ZNF804B: variants seen among roughly 807,000 people sequenced by gnomAD.
The protein encoded by ZNF804B is zinc finger protein 804B.
ZNF804B carries 80 observed loss-of-function variants against 101.4 expected under a neutral mutation model. That is an observed-to-expected ratio of 0.79 (90% CI 0.66 to 0.95). The LOEUF is 0.95. ZNF804B is among the 40% of genes least tolerant of loss of function. The pLI, the probability that ZNF804B is intolerant of heterozygous loss-of-function variation, is 0.00. For missense variants in ZNF804B, 1,673 were observed against 1,561.9 expected, an observed-to-expected ratio of 1.07 and a Z score of -1.20; for synonymous variants, 622 against 558.8, an observed-to-expected ratio of 1.11 and a Z score of -1.59.
chr7:89,276,325 A>C (rs1789980316), intron 2 of ZNF804B, among the ~76,000 whole-genome samples: 1 of 151,872 alleles, frequency 6.6e-6, no homozygotes, highest in African/African-American at 2.4e-5. Context: ...TGGAACTTAA[A>C]ATAAAAATTA....
intron 1 of ZNF804B, among the ~76,000 whole-genome samples, chr7:88,768,678 A>T (rs1359657964): frequency 6.6e-6 from 1 of 152,230 alleles, no homozygotes; most frequent in Non-Finnish European, 1.5e-5. Context: ...AGATAGCACC[A>T]CTGCACTCCA....
At chr7:89,176,565 TC>T (rs1584033985) in intron 1 of ZNF804B, among the ~76,000 whole-genome samples, 1 of 147,564 alleles carries the variant, frequency 6.8e-6, no homozygotes, top group Non-Finnish European at 1.5e-5. Flanking sequence ...TTCTTTCTTT[TC>T]TTTTTTTTCT....
Position 88,818,566 on chromosome 7 carries a change from G to A in ZNF804B, c.108+58482G>A, listed in dbSNP as rs537043525. ...ATAAACAAATATTTTGTATCATGGGGAATTATAAGATAATAATGTAGAAAA... is the reference window on the plus strand; with the variant it reads ...ATAAACAAATATTTTGTATCATGGGAAATTATAAGATAATAATGTAGAAAA... On this transcript the variant is annotated intron_variant, in intron 1 of 3. Transcript: ENST00000333190. Among the ~76,000 whole-genome samples the A allele has an allele frequency of 2.0e-5, 3 of 152,202 alleles. No individual in the cohort carries two copies. The South Asian group carries it at 6.2e-4, about 32-fold the overall frequency.
At chr7:89,264,354 G>A (rs888644643) in intron 2 of ZNF804B, among the ~76,000 whole-genome samples, 6 of 152,124 alleles carry the variant, frequency 3.9e-5, no homozygotes, top group Admixed American at 2.0e-4. Context: ...AGCACACACC[G>A]TCCTGTCTGT....
chr7:89,291,888 G>T (rs1354538266), intron 2 of ZNF804B, among the ~76,000 whole-genome samples: 2 of 152,048 alleles, frequency 1.3e-5, no homozygotes, highest in African/African-American at 2.4e-5. Context: ...AGCAGCAAGA[G>T]AAAAGAAACA....
intron 1 of ZNF804B, among the ~76,000 whole-genome samples, chr7:88,933,737 A>C (rs983913080): frequency 6.6e-6 from 1 of 152,060 alleles, no homozygotes; most frequent in African/African-American, 2.4e-5. Flanking sequence ...TGAAAACTAC[A>C]AACCACTGCT....
chr7:88,963,187 A>T (rs192294421), intron 1 of ZNF804B, among the ~76,000 whole-genome samples: 1 of 151,306 alleles, frequency 6.6e-6, no homozygotes, highest in East Asian at 2.0e-4. Flanking sequence ...ATTCATACGG[A>T]CTCTGAAAGG....
chr7:88,830,342 CA>C (rs201918081), intron 1 of ZNF804B, among the ~76,000 whole-genome samples: 7 of 151,218 alleles, frequency 4.6e-5, no homozygotes, highest in Middle Eastern at 3.2e-3. Context: ...AGAAATTTAG[CA>C]AAAAAAAGAA....
chr7:89,091,137 A>G (rs541833230), intron 1 of ZNF804B, among the ~76,000 whole-genome samples: 6 of 152,260 alleles, frequency 3.9e-5, no homozygotes, highest in South Asian at 4.1e-4. Context: ...AATAATATGA[A>G]AGATTGGCTT....
At chr7:88,866,512 C>A (rs1453059332) in intron 1 of ZNF804B, among the ~76,000 whole-genome samples, 1 of 152,132 alleles carries the variant, frequency 6.6e-6, no homozygotes, top group African/African-American at 2.4e-5. Flanking sequence ...GTGAGAATGA[C>A]TAATCTAGTC....
intron 2 of ZNF804B, among the ~76,000 whole-genome samples, chr7:89,234,255 TA>T (rs1789244676): frequency 6.6e-6 from 1 of 152,032 alleles, no homozygotes; most frequent in Admixed American, 6.6e-5. Context: ...ACTTCTGTGA[TA>T]TTCCCTTTTC....
chr7:88,995,478 T>A (rs796095627), intron 1 of ZNF804B, among the ~76,000 whole-genome samples: 1 of 152,078 alleles, frequency 6.6e-6, no homozygotes, highest in Non-Finnish European at 1.5e-5. Context: ...CATAAAAGTA[T>A]GCATCTGACT....
intron 3 of ZNF804B, among the ~76,000 whole-genome samples, chr7:89,329,839 A>T (rs909340711): frequency 6.6e-6 from 1 of 151,652 alleles, no homozygotes; most frequent in Admixed American, 6.6e-5. Flanking sequence ...GTTCCACGTT[A>T]TCTAGCTCTT....
At chr7:89,039,280 GTTTGGGTAGTATAAAC>G (rs1210761896) in intron 1 of ZNF804B, among the ~76,000 whole-genome samples, 3 of 151,746 alleles carry the variant, frequency 2.0e-5, no homozygotes, top group African/African-American at 2.4e-5. Flanking sequence ...TTTTTTGTTT[GTTTGGGTAGTATAAAC>G]TTTGGGTAGT....
chr7:89,157,883 A>G (rs771237382), intron 1 of ZNF804B, among the ~76,000 whole-genome samples: 2 of 152,320 alleles, frequency 1.3e-5, no homozygotes, highest in Middle Eastern at 3.4e-3. Flanking sequence ...AATTGAAACT[A>G]AAGTGGAAAA....
chr7:89,255,238 C>T (rs988089058), intron 2 of ZNF804B, among the ~76,000 whole-genome samples: 2 of 152,146 alleles, frequency 1.3e-5, no homozygotes, highest in African/African-American at 4.8e-5. Context: ...AAGACTCACT[C>T]GCTATTATGA....
chr7:89,200,640 C>A (rs918590347), intron 1 of ZNF804B, among the ~76,000 whole-genome samples: 1 of 151,964 alleles, frequency 6.6e-6, no homozygotes, highest in East Asian at 1.9e-4. Flanking sequence ...CATGAACAAT[C>A]TTAGAAGAAA....
intron 1 of ZNF804B, among the ~76,000 whole-genome samples, chr7:89,106,107 C>T (rs780861516): frequency 2.8e-5 from 4 of 144,786 alleles, no homozygotes; most frequent in Non-Finnish European, 5.9e-5. Context: ...ATATAAGTTC[C>T]AAATGGCAGA....
intron 1 of ZNF804B, chr7:88,794,319 G>A (rs1327764934): frequency 8.1e-6 from 13 of 1,613,760 alleles, no homozygotes; most frequent in Non-Finnish European, 1.1e-5. Context: ...GTTCTGGGAG[G>A]AGTAGGTCAG....
Sources: gnomAD v4.1 joint callset for allele counts (sites outside exome capture counted in the v4.1 genomes callset) on GRCh38, gnomAD v4.1.1 for gene constraint, MANE v1.5 for transcripts, NCBI Gene and HGNC (gene_info 2026-07-23, HGNC 2026-07-21) for gene names.